CD55: variants seen among roughly 807,000 people sequenced by gnomAD.
The protein encoded by CD55 is complement decay-accelerating factor.
In CD55, 41 loss-of-function variants were observed where a neutral mutation model predicts 45.8. The observed-to-expected ratio is 0.90, with a 90% confidence interval of 0.70 to 1.16. The LOEUF (loss-of-function observed/expected upper bound fraction) is 1.16. Among genes scored for constraint, CD55 ranks in the 50% most tolerant of loss-of-function variants. The pLI is 0.00. For synonymous variants in CD55, 181 were observed against 181.1 expected, an observed-to-expected ratio of 1.00 and a Z score of 0.01; for missense variants, 416 against 469.8, an observed-to-expected ratio of 0.89 and a Z score of 1.06.
At chr1:207,338,810 A>G (rs1054041698) in intron 8 of CD55, among the ~76,000 whole-genome samples, 1 of 152,142 alleles carries the variant, frequency 6.6e-6, no homozygotes, top group African/African-American at 2.4e-5. Context: ...TTAATCCTGC[A>G]CTTTTTCTGC....
At chr1:207,329,986 G>C in intron 5 of CD55, among the ~76,000 whole-genome samples, 1 of 152,056 alleles carries the variant, frequency 6.6e-6, no homozygotes, top group South Asian at 2.1e-4. Context: ...TCCCAGGCTG[G>C]CTACTTCGGG....
At chr1:207,333,578 A>G (rs1394661945) in intron 6 of CD55, among the ~76,000 whole-genome samples, 1 of 152,254 alleles carries the variant, frequency 6.6e-6, no homozygotes, top group African/African-American at 2.4e-5. Flanking sequence ...GACCAAATCA[A>G]GAGAAAACAA....
rs142935381 is a variant in CD55 at position 207,341,447 on chromosome 1, G to A, written c.1081+2030G>A. Among the ~76,000 whole-genome samples the A allele has an allele frequency of 7.2e-5, 11 of 152,208 alleles. 1 individual carries two copies. Among genetic ancestry groups the A allele is most frequent in the African/African-American group, 2.6e-4 (11 of 41,536 alleles). ...CATCTCGATTTGATTTTTGTACATG[G>A]TGAGGGGCAGAGGTCCAGTTTCATT... On this transcript the variant is annotated intron_variant, in intron 9 of 9. Coordinates refer to ENST00000367064, the MANE Select transcript of CD55 (RefSeq NM_000574.5).
At chr1:207,357,120 A>C (rs1656106023) in intron 9 of CD55, among the ~76,000 whole-genome samples, 3 of 152,228 alleles carry the variant, frequency 2.0e-5, no homozygotes, top group Admixed American at 1.3e-4. Flanking sequence ...AAGTTAAAGC[A>C]TGTAAATATT....
At position 207,321,783 on chromosome 1, in the gene CD55, G is replaced by T. The variant is rs922742365; in HGVS notation, c.18G>T (p.Pro6=). 3 of 1,521,124 alleles carry T rather than the reference G, an allele frequency of 2.0e-6. No homozygotes were observed. The highest frequency in any genetic ancestry group is 1.4e-5 in the African/African-American group (1 of 71,368). The allele number at this position is 1,521,124 out of a possible 1,614,324, so 94.2% of individuals were successfully genotyped here. A position where few individuals can be genotyped will look rare whatever the true frequency, so the allele number is the denominator to read the frequency against. Residue 6 remains proline (P), a synonymous_variant, in exon 1 of 10, where the codon CCG becomes CCT. Transcript: ENST00000367064. MTVAR[P]SVPAALPLLG... is the part of the protein sequence containing the mutation. The stretch of plus-strand genomic sequence containing the variant: ...GGCGCGCCATGACCGTCGCGCGGCC[G>T]AGCGTGCCCGCGGCGCTGCCCCTCC...
intron 6 of CD55, among the ~76,000 whole-genome samples, chr1:207,332,145 C>T (rs1315237766): frequency 5.3e-5 from 8 of 151,962 alleles, no homozygotes; most frequent in Admixed American, 4.6e-4. Context: ...TAGTCCTACT[C>T]GGAGAGGTAA....
intron 9 of CD55, among the ~76,000 whole-genome samples, chr1:207,342,107 T>C (rs1253456140): frequency 5.3e-5 from 8 of 152,174 alleles, no homozygotes; most frequent in Admixed American, 5.2e-4. Flanking sequence ...GCAACTGTAC[T>C]GAATTTATCA....
At chr1:207,351,035 T>A (rs1368083061) in intron 9 of CD55, among the ~76,000 whole-genome samples, 1 of 152,202 alleles carries the variant, frequency 6.6e-6, no homozygotes, top group African/African-American at 2.4e-5. Flanking sequence ...TCCCAGACAC[T>A]CTGGTATGTT....
At chr1:207,347,380 C>T in intron 9 of CD55, 1 of 361,492 alleles carries the variant, frequency 2.8e-6, no homozygotes, top group South Asian at 2.1e-5. Flanking sequence ...CTGCCTCAGC[C>T]TCCCAAGTAG....
chr1:207,336,076 C>T (rs1299233786), intron 6 of CD55, among the ~76,000 whole-genome samples: 1 of 152,098 alleles, frequency 6.6e-6, no homozygotes, highest in Non-Finnish European at 1.5e-5. Flanking sequence ...AGTTGCTCTG[C>T]TGTTAGATTT....
At chr1:207,354,174 T>C (rs1339443338) in intron 9 of CD55, 45 of 1,341,804 alleles carry the variant, frequency 3.4e-5, no homozygotes, top group Non-Finnish European at 4.0e-5. Flanking sequence ...AGTATCTGTC[T>C]AATGTAAATT....
intron 6 of CD55, among the ~76,000 whole-genome samples, chr1:207,331,655 T>G (rs894194992): frequency 1.3e-5 from 2 of 152,222 alleles, no homozygotes; most frequent in South Asian, 2.1e-4. Flanking sequence ...AATCTTAGAT[T>G]GAAGGCTCTA....
At chr1:207,351,899 A>G (rs1412695030) in intron 9 of CD55, among the ~76,000 whole-genome samples, 2 of 152,130 alleles carry the variant, frequency 1.3e-5, no homozygotes, top group Non-Finnish European at 2.9e-5. Context: ...TCCTTCTTAA[A>G]CTGGACATAT....
intron 5 of CD55, among the ~76,000 whole-genome samples, chr1:207,329,210 C>G (rs929272243): frequency 2.6e-5 from 4 of 152,180 alleles, no homozygotes; most frequent in African/African-American, 9.6e-5. Context: ...GACAGGCTGT[C>G]ATTGAGTATA....
intron 4 of CD55, among the ~76,000 whole-genome samples, chr1:207,326,104 T>C (rs1558143571): frequency 6.6e-6 from 1 of 152,182 alleles, no homozygotes. Flanking sequence ...AAACAAGCTG[T>C]TACAAAACAG....
chr1:207,326,305 T>C (rs1654679187), intron 4 of CD55, among the ~76,000 whole-genome samples: 1 of 152,202 alleles, frequency 6.6e-6, no homozygotes, highest in Non-Finnish European at 1.5e-5. Context: ...CCCTATTCTT[T>C]ATAAAGTAAA....
chr1:207,337,380 C>T lies in CD55; in HGVS notation c.1031C>T (p.Thr344Ile), dbSNP rs150172588. The change falls in exon 8 of 10, where the codon ACC becomes ATC. Residue 344 changes from threonine (T) to isoleucine (I), a missense_variant. Around this residue, in one of 3 missense-constraint regions of CD55, gnomAD observed 182 missense variants for 201.4 expected, o/e 0.90. Transcript: ENST00000367064. ...SRTTKHFHET[T>I]PNKGSGTTSG... ...ACAACCAAGCATTTTCATGAAACAA[C>T]CCCAAATAAAGGAAGTGGAACCACT... 1.3e-4 allele frequency: 208 copies of T among 1,610,136 alleles called. No homozygotes were observed. The African/African-American group carries it at 2.5e-3, about 19-fold the overall frequency.
At chr1:207,337,190 C>T (rs576864044) in intron 7 of CD55, 139 bp from the exon 8 acceptor site, 2 of 659,818 alleles carry the variant, frequency 3.0e-6, no homozygotes, top group Admixed American at 2.5e-5. Flanking sequence ...ACAGGCCACA[C>T]TAACAGCCCA....
intron 2 of CD55, among the ~76,000 whole-genome samples, chr1:207,324,089 A>G (rs886152846): frequency 6.6e-6 from 1 of 152,350 alleles, no homozygotes; most frequent in East Asian, 1.9e-4. Context: ...CTTTATGTAT[A>G]CAATTGACTC....
Sources: allele counts gnomAD v4.1 joint callset (sites outside exome capture counted in the v4.1 genomes callset), GRCh38; gene constraint gnomAD v4.1.1; regional missense constraint gnomAD v4.1.1; transcripts MANE v1.5; gene names NCBI Gene and HGNC (gene_info 2026-07-23, HGNC 2026-07-21).